TAFA1: variants seen among roughly 807,000 people sequenced by gnomAD.
The protein encoded by TAFA1 is TAFA chemokine like family member 1.
A neutral mutation model predicts 18.5 loss-of-function variants in TAFA1; 4 were observed. The observed-to-expected ratio is 0.22, with a 90% CI of 0.11 to 0.49. TAFA1 has a LOEUF of 0.49. TAFA1 is among the 20% of genes least tolerant of loss of function. TAFA1 has a pLI of 0.98. For synonymous variants in TAFA1, 56 were observed against 55.2 expected, an observed-to-expected ratio of 1.01 and a Z score of -0.06; for missense variants, 147 against 169.0, an observed-to-expected ratio of 0.87 and a Z score of 0.72.
At chr3:68,072,354 G>C (rs147749367) in intron 2 of TAFA1, among the ~76,000 whole-genome samples, 1 of 152,168 alleles carries the variant, frequency 6.6e-6, no homozygotes, top group Non-Finnish European at 1.5e-5. Context: ...AGGTCAGGTT[G>C]TGAAGGTCCT....
chr3:68,071,385 C>T (rs2064753546), intron 2 of TAFA1, among the ~76,000 whole-genome samples: 1 of 152,202 alleles, frequency 6.6e-6, no homozygotes, highest in Admixed American at 6.5e-5. Flanking sequence ...CCCACCAGGT[C>T]CCTCCCAAAC....
intron 2 of TAFA1, among the ~76,000 whole-genome samples, chr3:68,035,796 G>A (rs1705034539): frequency 2.0e-5 from 3 of 152,110 alleles, no homozygotes; most frequent in African/African-American, 7.2e-5. Flanking sequence ...TTAATGGGTT[G>A]GATAGATAAA....
chr3:68,278,780 C>G (rs1282642185), intron 2 of TAFA1, among the ~76,000 whole-genome samples: 1 of 152,110 alleles, frequency 6.6e-6, no homozygotes, highest in East Asian at 1.9e-4. Context: ...ACCCACCACC[C>G]CCATAGATTC....
At chr3:68,243,548 T>C (rs1039270110) in intron 2 of TAFA1, among the ~76,000 whole-genome samples, 3 of 152,172 alleles carry the variant, frequency 2.0e-5, no homozygotes, top group African/African-American at 7.2e-5. Flanking sequence ...TGAAATCATA[T>C]CGTATATACC....
intron 2 of TAFA1, among the ~76,000 whole-genome samples, chr3:68,126,550 C>T (rs994048095): frequency 6.6e-6 from 1 of 152,196 alleles, no homozygotes; most frequent in African/African-American, 2.4e-5. Flanking sequence ...TGTATATATT[C>T]CAAACATATA....
chr3:68,332,620 A>G (rs62245786), intron 2 of TAFA1, among the ~76,000 whole-genome samples: 26,883 of 152,236 alleles, frequency 0.18, 2,529 homozygotes, highest in Middle Eastern at 0.27. Flanking sequence ...ACATTGTCCT[A>G]AAGAAGACAT....
intron 2 of TAFA1, among the ~76,000 whole-genome samples, chr3:68,186,835 G>A (rs1575668026): frequency 6.6e-6 from 1 of 152,118 alleles, no homozygotes; most frequent in South Asian, 2.1e-4. Context: ...TTTTGGGATG[G>A]CCTTTAATTT....
intron 2 of TAFA1, among the ~76,000 whole-genome samples, chr3:68,321,707 C>T (rs1222776074): frequency 6.6e-6 from 1 of 152,142 alleles, no homozygotes; most frequent in East Asian, 1.9e-4. Context: ...CTACCTTCAT[C>T]CATCCCCATC....
intron 2 of TAFA1, among the ~76,000 whole-genome samples, chr3:68,266,950 G>GGATTAATA (rs11282226): frequency 0.57 from 86,781 of 151,354 alleles, 26,512 homozygotes; most frequent in East Asian, 0.92. Context: ...AACCTTCGGT[G>GGATTAATA]GACTCCAGTT....
intron 2 of TAFA1, among the ~76,000 whole-genome samples, chr3:68,106,595 C>T: frequency 6.6e-6 from 1 of 152,126 alleles, no homozygotes; most frequent in South Asian, 2.1e-4. Context: ...GTAAATTAAG[C>T]TTTATGAATA....
chr3:68,255,868 G>A (rs2067288687), intron 2 of TAFA1, among the ~76,000 whole-genome samples: 1 of 152,042 alleles, frequency 6.6e-6, no homozygotes, highest in South Asian at 2.1e-4. Context: ...GTAATACACT[G>A]ATATTTCAGT....
At chr3:68,038,099 T>C (rs574851262) in intron 2 of TAFA1, among the ~76,000 whole-genome samples, 1 of 152,202 alleles carries the variant, frequency 6.6e-6, no homozygotes, top group East Asian at 1.9e-4. Flanking sequence ...AGGGCGATGC[T>C]GAATTTTGTC....
chr3:68,431,505 A>T (rs1365519812), intron 3 of TAFA1, among the ~76,000 whole-genome samples: 1 of 152,016 alleles, frequency 6.6e-6, no homozygotes, highest in African/African-American at 2.4e-5. Context: ...CATTTTAATG[A>T]TAAGGAAACT....
At chr3:68,473,572 C>G (rs1327510044) in intron 3 of TAFA1, among the ~76,000 whole-genome samples, 1 of 152,150 alleles carries the variant, frequency 6.6e-6, no homozygotes, top group Admixed American at 6.5e-5. Context: ...CAGAGAGCAA[C>G]AGCCTTGTTG....
intron 2 of TAFA1, among the ~76,000 whole-genome samples, chr3:68,285,383 G>A (rs552692397): frequency 5.9e-5 from 9 of 151,918 alleles, no homozygotes; most frequent in African/African-American, 1.9e-4. Context: ...AATTAATGAA[G>A]ATATACTTTT....
intron 3 of TAFA1, among the ~76,000 whole-genome samples, chr3:68,514,404 TG>T (rs2072891868): frequency 6.6e-6 from 1 of 152,206 alleles, no homozygotes; most frequent in African/African-American, 2.4e-5. Flanking sequence ...AATATATATG[TG>T]TAGAGAGCCT....
At chr3:68,218,393 G>C (rs375774818) in intron 2 of TAFA1, among the ~76,000 whole-genome samples, 3 of 152,018 alleles carry the variant, frequency 2.0e-5, no homozygotes, top group Non-Finnish European at 4.4e-5. Flanking sequence ...TTAAAAGAGA[G>C]TATATTCTTA....
At chr3:68,078,866 G>C (rs2064860192) in intron 2 of TAFA1, among the ~76,000 whole-genome samples, 1 of 152,136 alleles carries the variant, frequency 6.6e-6, no homozygotes, top group South Asian at 2.1e-4. Flanking sequence ...CTATTGATTG[G>C]AATAGTTTCA....
rs114279699 is a variant in TAFA1, at chr3:68,465,432, C to T, written c.259+48012C>T. Among the ~76,000 whole-genome samples the T allele has an allele frequency of 7.5e-3, 1,146 of 152,286 alleles. 16 individuals carry two copies. The highest frequency in any genetic ancestry group is 0.027 in the African/African-American group (1,103 of 41,560). ...CATTATTAATTTGGATGTTCCATTA[C>T]TTGCAGCCAAATGCATTCTAATTAA... On this transcript the variant is annotated intron_variant, in intron 3 of 4. Coordinates refer to ENST00000478136, the MANE Select transcript of TAFA1 (RefSeq NM_213609.4).
Sources: allele counts gnomAD v4.1 joint callset (sites outside exome capture counted in the v4.1 genomes callset), GRCh38; gene constraint gnomAD v4.1.1; transcripts MANE v1.5; gene names NCBI Gene and HGNC (gene_info 2026-07-23, HGNC 2026-07-21).